CACNG3: variants seen among roughly 807,000 people sequenced by gnomAD.
The protein encoded by CACNG3 is voltage-dependent calcium channel gamma-3 subunit.
CACNG3 carries 3 observed loss-of-function variants against 28.5 expected under a neutral mutation model. That is an observed-to-expected ratio of 0.11 (90% CI 0.05 to 0.27). The LOEUF is 0.27. CACNG3 is among the 10% of genes least tolerant of loss of function. The pLI is 1.00. For synonymous variants in CACNG3, 174 were observed against 162.2 expected (o/e 1.07, Z -0.55); for missense variants, 236 against 414.4 (o/e 0.57, Z 3.74).
intron 1 of CACNG3, among the ~76,000 whole-genome samples, chr16:24,261,546 GT>G (rs1305124450): frequency 1.3e-5 from 2 of 152,320 alleles, no homozygotes; most frequent in East Asian, 3.9e-4. Context: ...TGGGCTGCCA[GT>G]TTTCAGCCTT....
At chr16:24,298,697 A>G (rs1899065543) in intron 1 of CACNG3, among the ~76,000 whole-genome samples, 1 of 152,164 alleles carries the variant, frequency 6.6e-6, no homozygotes. Flanking sequence ...TTTCTCCCTA[A>G]TATCCTTTTT....
chr16:24,275,557 A>T (rs1217022404), intron 1 of CACNG3, among the ~76,000 whole-genome samples: 1 of 152,184 alleles, frequency 6.6e-6, no homozygotes, highest in African/African-American at 2.4e-5. Flanking sequence ...GCTTTTTTCC[A>T]TGAAACACCA....
At chr16:24,351,771 A>AGAG (rs1466007843) in intron 2 of CACNG3, among the ~76,000 whole-genome samples, 995 of 92,558 alleles carry the variant, frequency 0.011, 12 homozygotes, top group African/African-American at 0.035. Context: ...GAGAGAGAGA[A>AGAG]AGAAAGATTG....
At chr16:24,350,081 T>G (rs1249680011) in intron 2 of CACNG3, among the ~76,000 whole-genome samples, 1 of 152,200 alleles carries the variant, frequency 6.6e-6, no homozygotes. Context: ...CTCTTTGATC[T>G]GAAGCCACCA....
intron 1 of CACNG3, among the ~76,000 whole-genome samples, chr16:24,311,308 T>C (rs35941978): frequency 0.42 from 64,264 of 151,660 alleles, 14,004 homozygotes; most frequent in South Asian, 0.59. Context: ...GTCGGGAGTT[T>C]AAGACCACCC....
chr16:24,350,782 T>A (rs1158641306), intron 2 of CACNG3, among the ~76,000 whole-genome samples: 6 of 152,178 alleles, frequency 3.9e-5, no homozygotes, highest in Non-Finnish European at 5.9e-5. Context: ...ATGCAAATGA[T>A]CCCTTTAAAG....
intron 2 of CACNG3, among the ~76,000 whole-genome samples, chr16:24,351,036 G>T (rs2141381861): frequency 6.6e-6 from 1 of 152,302 alleles, no homozygotes; most frequent in African/African-American, 2.4e-5. Flanking sequence ...GGAACCAGGG[G>T]CCAGCTCTGT....
chr16:24,310,023 G>A (rs1177370382), intron 1 of CACNG3, among the ~76,000 whole-genome samples: 2 of 152,184 alleles, frequency 1.3e-5, no homozygotes, highest in East Asian at 1.9e-4. Context: ...TGTGTGAAAT[G>A]TCACTATGAG....
At chr16:24,319,489 T>C (rs902716048) in intron 1 of CACNG3, among the ~76,000 whole-genome samples, 1 of 152,232 alleles carries the variant, frequency 6.6e-6, no homozygotes, top group African/African-American at 2.4e-5. Flanking sequence ...GGTCTTGCTT[T>C]GTCTCCCAGG....
chr16:24,302,145 A>T (rs1223224748), intron 1 of CACNG3, among the ~76,000 whole-genome samples: 1 of 152,160 alleles, frequency 6.6e-6, no homozygotes, highest in East Asian at 1.9e-4. Flanking sequence ...CTGATTCCTC[A>T]TCACTTGTCA....
chr16:24,313,897 A>T, intron 1 of CACNG3, among the ~76,000 whole-genome samples: 1 of 151,986 alleles, frequency 6.6e-6, no homozygotes, highest in East Asian at 1.9e-4. Flanking sequence ...GGTGCGCACC[A>T]CCACACCTGG....
intron 1 of CACNG3, among the ~76,000 whole-genome samples, chr16:24,267,129 G>A (rs1198895583): frequency 6.6e-6 from 1 of 151,860 alleles, no homozygotes; most frequent in African/African-American, 2.4e-5. Context: ...ACCACACCTG[G>A]CTAATTTTTT....
At chr16:24,346,653 G>T (rs780216930) in intron 1 of CACNG3, 81 bp from the exon 2 acceptor site, 4 of 907,808 alleles carry the variant, frequency 4.4e-6, no homozygotes, top group Non-Finnish European at 7.1e-6. Context: ...GAAAGGATCT[G>T]CACATAGCGG....
intron 2 of CACNG3, among the ~76,000 whole-genome samples, chr16:24,352,001 G>T (rs998004227): frequency 6.6e-6 from 1 of 151,912 alleles, no homozygotes; most frequent in Admixed American, 6.6e-5. Context: ...ATTTTTAGTA[G>T]AGACGGGGTT....
At chr16:24,315,790 C>T (rs952399208) in intron 1 of CACNG3, among the ~76,000 whole-genome samples, 1 of 152,030 alleles carries the variant, frequency 6.6e-6, no homozygotes, top group Non-Finnish European at 1.5e-5. Context: ...TCCCAAGTAG[C>T]TGGGATTACA....
chr16:24,313,988 A>C (rs1025914528), intron 1 of CACNG3, among the ~76,000 whole-genome samples: 7 of 151,870 alleles, frequency 4.6e-5, no homozygotes, highest in Non-Finnish European at 8.8e-5. Context: ...CAAGTCATCC[A>C]CCCGCCTCAG....
chr16:24,259,031 G>C (rs1177409649), intron 1 of CACNG3, among the ~76,000 whole-genome samples: 1 of 152,208 alleles, frequency 6.6e-6, no homozygotes, highest in African/African-American at 2.4e-5. Context: ...ACCCCAGCCA[G>C]GCATTCTGTA....
intron 1 of CACNG3, among the ~76,000 whole-genome samples, chr16:24,303,498 T>C (rs1404919554): frequency 2.0e-5 from 3 of 152,174 alleles, no homozygotes; most frequent in Non-Finnish European, 4.4e-5. Context: ...CCTAAGGTTC[T>C]ATTTAAATGT....
chr16:24,292,096 G>A (rs1192067004), intron 1 of CACNG3, among the ~76,000 whole-genome samples: 2 of 152,144 alleles, frequency 1.3e-5, no homozygotes. Context: ...CACAGGTGGA[G>A]CGGATAACCG....
Sources: gnomAD v4.1 joint callset for allele counts (sites outside exome capture counted in the v4.1 genomes callset) on GRCh38, gnomAD v4.1.1 for gene constraint, MANE v1.5 for transcripts, NCBI Gene and HGNC (gene_info 2026-07-23, HGNC 2026-07-21) for gene names.